MAF: variants seen among roughly 807,000 people sequenced by gnomAD.
MAF encodes the protein MAF bZIP transcription factor.
In MAF, 10 loss-of-function variants were observed where a neutral mutation model predicts 22.0. That is an observed-to-expected ratio of 0.45 (90% CI 0.28 to 0.77). The LOEUF is 0.77. MAF is among the 30% of genes least tolerant of loss of function. MAF has a pLI of 0.12. For missense variants in MAF, 544 were observed against 548.4 expected (o/e 0.99, Z 0.08); for synonymous variants, 337 against 255.8 (o/e 1.32, Z -3.03).
chr16:79,593,240 G>C (rs1445000761), downstream of MAF, among the ~76,000 whole-genome samples: 3 of 152,022 alleles, frequency 2.0e-5, no homozygotes. Flanking sequence ...CGAAAACAAC[G>C]GCCACAGCAG....
the MAF span, among the ~76,000 whole-genome samples, chr16:79,291,119 C>T: frequency 2.9e-4 from 44 of 152,062 alleles, no homozygotes; most frequent in Non-Finnish European, 5.3e-4. Flanking sequence ...TTGTGGAAGC[C>T]CCGCTTGTGG....
At chr16:79,262,360 G>A in the MAF span, among the ~76,000 whole-genome samples, 1 of 152,194 alleles carries the variant, frequency 6.6e-6, no homozygotes. Flanking sequence ...TCTGGGCTCT[G>A]TGCCTAAAGC....
the MAF span, among the ~76,000 whole-genome samples, chr16:79,549,474 G>C: frequency 2.0e-5 from 3 of 152,192 alleles, no homozygotes; most frequent in African/African-American, 4.8e-5. Context: ...AACAACTGCA[G>C]GTCATTAATG....
chr16:79,454,321 C>T, the MAF span, among the ~76,000 whole-genome samples: 14 of 152,086 alleles, frequency 9.2e-5, no homozygotes, highest in Non-Finnish European at 1.9e-4. Flanking sequence ...GGTGAAAGGA[C>T]AGTGAAGAGA....
the MAF span, among the ~76,000 whole-genome samples, chr16:79,223,338 G>C: frequency 1.3e-5 from 2 of 152,126 alleles, no homozygotes; most frequent in Non-Finnish European, 2.9e-5. Context: ...CAATGTAGCA[G>C]AATCTCTGGG....
chr16:79,360,950 G>A, the MAF span, among the ~76,000 whole-genome samples: 1 of 152,120 alleles, frequency 6.6e-6, no homozygotes, highest in Admixed American at 6.5e-5. Flanking sequence ...AGTCGGCCAT[G>A]GTAGGAGCAT....
At chr16:79,425,700 T>G in the MAF span, among the ~76,000 whole-genome samples, 1 of 152,096 alleles carries the variant, frequency 6.6e-6, no homozygotes, top group African/African-American at 2.4e-5. Context: ...TCCCTCTTTT[T>G]TTCTGACTTA....
the MAF span, among the ~76,000 whole-genome samples, chr16:79,519,301 G>A: frequency 2.0e-5 from 3 of 152,148 alleles, no homozygotes; most frequent in Admixed American, 2.0e-4. Context: ...ATGAGATGGG[G>A]TATAATGCAT....
chr16:79,585,875 T>C (rs1306177560), exon 2 of MAF: 3 of 659,878 alleles, frequency 4.5e-6, no homozygotes, highest in Non-Finnish European at 8.0e-6. Flanking sequence ...AAAATCAAGA[T>C]GTACCTCTTT....
the MAF span, among the ~76,000 whole-genome samples, chr16:79,457,015 G>C: frequency 1.3e-5 from 2 of 151,882 alleles, no homozygotes; most frequent in African/African-American, 4.8e-5. Flanking sequence ...AAGAAATTTG[G>C]GTAAATGTAA....
chr16:79,573,262 GT>G, the MAF span, among the ~76,000 whole-genome samples: 1 of 152,168 alleles, frequency 6.6e-6, no homozygotes, highest in Non-Finnish European at 1.5e-5. Flanking sequence ...CTCTGCATAA[GT>G]TTTAAATGCT....
chr16:79,510,390 G>A, the MAF span, among the ~76,000 whole-genome samples: 3 of 152,128 alleles, frequency 2.0e-5, no homozygotes, highest in African/African-American at 7.2e-5. Context: ...TTTTCTAACT[G>A]GTCCTGGAGG....
the MAF span, among the ~76,000 whole-genome samples, chr16:79,245,910 A>T: frequency 1.3e-5 from 2 of 152,062 alleles, no homozygotes; most frequent in South Asian, 2.1e-4. Context: ...TTCTGCAGGG[A>T]CATGGATGAA....
At chr16:79,217,929 C>A in the MAF span, among the ~76,000 whole-genome samples, 1 of 125,262 alleles carries the variant, frequency 8.0e-6, no homozygotes, top group Non-Finnish European at 1.6e-5. Flanking sequence ...AAAGACTTGG[C>A]TTGCAATATC....
the MAF span, among the ~76,000 whole-genome samples, chr16:79,563,623 G>T: frequency 5.3e-5 from 8 of 151,554 alleles, no homozygotes; most frequent in African/African-American, 1.7e-4. Context: ...AATCATTTTA[G>T]CTGTTTCTCT....
At chr16:79,268,362 T>A in the MAF span, among the ~76,000 whole-genome samples, 3 of 152,186 alleles carry the variant, frequency 2.0e-5, no homozygotes, top group Non-Finnish European at 2.9e-5. Flanking sequence ...CTGCAGGATT[T>A]TGAGCAAGTC....
chr16:79,389,542 C>G, the MAF span, among the ~76,000 whole-genome samples: 3 of 152,124 alleles, frequency 2.0e-5, no homozygotes, highest in East Asian at 1.9e-4. Flanking sequence ...GATTACAGGC[C>G]TGAGCCACCG....
the MAF span, among the ~76,000 whole-genome samples, chr16:79,386,025 G>C: frequency 5.8e-4 from 89 of 152,298 alleles, no homozygotes; most frequent in African/African-American, 1.9e-3. Flanking sequence ...CCTGTCCTCA[G>C]AGCTTAGAGC....
chr16:79,595,666 C>G (rs1227890784), intron 1 of MAF: 2 of 1,058,254 alleles, frequency 1.9e-6, no homozygotes, highest in African/African-American at 3.3e-5. Flanking sequence ...CCCCCATACA[C>G]AGCCTATTTT....
Sources: gnomAD v4.1 joint callset for allele counts (sites outside exome capture counted in the v4.1 genomes callset) on GRCh38, gnomAD v4.1.1 for gene constraint, MANE v1.5 for transcripts, NCBI Gene and HGNC (gene_info 2026-07-23, HGNC 2026-07-21) for gene names.